The following CAPZB variants were observed in gnomAD, a reference collection of about 807,000 sequenced individuals.
CAPZB encodes capping actin protein of muscle Z-line subunit beta.
Under a neutral mutation model 38.1 loss-of-function variants are expected in CAPZB, and 2 were observed. That is an observed-to-expected ratio of 0.05 (90% confidence interval 0.02 to 0.17). CAPZB has a LOEUF of 0.17. Among genes scored for constraint, CAPZB ranks in the 10% least tolerant of loss-of-function variants. CAPZB has a pLI of 1.00. For synonymous variants in CAPZB, 107 were observed against 127.4 expected, an observed-to-expected ratio of 0.84 and a Z score of 1.08; for missense variants, 161 against 334.2, an observed-to-expected ratio of 0.48 and a Z score of 4.04.
chr1:19,419,836 G>A (rs1230703409), intron 1 of CAPZB, 86 bp from the exon 2 acceptor site: 2 of 847,418 alleles, frequency 2.4e-6, no homozygotes, highest in East Asian at 2.7e-5. Context: ...CTTGCCCAAG[G>A]CATTCTAAAA....
intron 2 of CAPZB, among the ~76,000 whole-genome samples, chr1:19,418,214 A>G (rs1325870443): frequency 6.6e-6 from 1 of 150,938 alleles, no homozygotes; most frequent in Non-Finnish European, 1.5e-5. Context: ...CCCCAAATAT[A>G]TGGCTCCTCT....
chr1:19,363,042 C>T lies in CAPZB; in HGVS notation c.330-5479G>A, dbSNP rs150537166. Among the ~76,000 whole-genome samples, 137 of 152,226 alleles carry T rather than the reference C, an allele frequency of 9.0e-4. 1 individual carries two copies. The highest frequency in any genetic ancestry group is 2.9e-3 in the African/African-American group (120 of 41,548). ...AACTGAGTGCCATCAGTTTTACCAA[C>T]GGTCCCGGCGCCTTTTAAGACTTTC... is the stretch of plus-strand genomic sequence containing the variant. On this transcript the variant is annotated intron_variant, in intron 4 of 8. Coordinates refer to ENST00000264202, the MANE Select transcript of CAPZB (RefSeq NM_004930.5).
intron 6 of CAPZB, among the ~76,000 whole-genome samples, chr1:19,355,922 A>G (rs2094018610): frequency 6.6e-6 from 1 of 152,188 alleles, no homozygotes; most frequent in Non-Finnish European, 1.5e-5. Flanking sequence ...GGGAGCATCT[A>G]AGGTAGAAGG....
Position 19,339,252 on chromosome 1 carries a change from A to C in CAPZB, c.*278T>G. 2.3e-6 allele frequency: 1 copy of C among 442,604 alleles called. No homozygotes were observed. The allele number at this position is 442,604 out of a possible 1,614,324, so 27.4% of individuals were successfully genotyped here. A position where few individuals can be genotyped will look rare whatever the true frequency, so the allele number is the denominator to read the frequency against. On this transcript the variant is annotated 3_prime_UTR_variant, in exon 9 of 9. Coordinates refer to ENST00000264202, the MANE Select transcript of CAPZB (RefSeq NM_004930.5). ...ATTTTATGCCTATAAATGGGGGGACAGGGAGGAAGACGGGGGGCCCGGGTG... is the reference window on the plus strand; with the variant it reads ...ATTTTATGCCTATAAATGGGGGGACCGGGAGGAAGACGGGGGGCCCGGGTG...
At chr1:19,461,075 T>C (rs1301422276) in intron 1 of CAPZB, among the ~76,000 whole-genome samples, 1 of 100,828 alleles carries the variant, frequency 9.9e-6, no homozygotes, top group Non-Finnish European at 2.2e-5. Flanking sequence ...CAGCTGTCTC[T>C]TATTCACCCC....
At chr1:19,450,997 G>A (rs1485008340) in intron 1 of CAPZB, among the ~76,000 whole-genome samples, 1 of 152,158 alleles carries the variant, frequency 6.6e-6, no homozygotes, top group Non-Finnish European at 1.5e-5. Flanking sequence ...CTGCATGCAA[G>A]GACTGCTCTC....
Position 19,484,709 on chromosome 1 carries a change from GAGA to G in CAPZB, c.3+724_3+726del. 2.8e-6 allele frequency: 3 copies of G among 1,087,182 alleles called. No homozygotes were observed. The South Asian group carries it at 7.2e-5, about 26-fold the overall frequency. 67.3% of individuals were successfully genotyped at this position (1,087,182 alleles called of 1,614,324 possible). ...ACCAGGCAGGGGGCAGGACCCTGAT[GAGA>G]GGCTCAGGGCGGGGACCGAGCGGGG... is the stretch of plus-strand genomic sequence containing the variant. On this transcript the variant is annotated intron_variant, in intron 1 of 8. Coordinates refer to ENST00000264202, the MANE Select transcript of CAPZB (RefSeq NM_004930.5).
intron 1 of CAPZB, among the ~76,000 whole-genome samples, chr1:19,423,367 C>T (rs967192761): frequency 2.6e-5 from 4 of 152,006 alleles, no homozygotes; most frequent in Admixed American, 2.6e-4. Context: ...GAGAATGAAG[C>T]AGATGTGGAT....
chr1:19,378,519 C>G, intron 4 of CAPZB, 21 bp downstream of exon 4: 1 of 1,367,876 alleles, frequency 7.3e-7, no homozygotes, highest in Non-Finnish European at 1.0e-6. Flanking sequence ...CGCTAAAGTG[C>G]AACAGGAGAA....
intron 1 of CAPZB, among the ~76,000 whole-genome samples, chr1:19,460,574 CT>C (rs35288971): frequency 0.031 from 2,834 of 90,870 alleles, 25 homozygotes; most frequent in African/African-American, 0.092. Context: ...TGTGCCCAGG[CT>C]TTTTTTTTTT....
chr1:19,404,503 C>A (rs2094320565), intron 2 of CAPZB, among the ~76,000 whole-genome samples: 1 of 146,996 alleles, frequency 6.8e-6, no homozygotes. Context: ...GAGATCACGC[C>A]ACTGTACTCC....
At chr1:19,406,032 A>G (rs2094330166) in intron 2 of CAPZB, among the ~76,000 whole-genome samples, 1 of 152,322 alleles carries the variant, frequency 6.6e-6, no homozygotes, top group Non-Finnish European at 1.5e-5. Flanking sequence ...TCTCTCAGGC[A>G]GGCTCTGTGC....
chr1:19,377,379 TGA>T (rs1421216490), intron 4 of CAPZB, among the ~76,000 whole-genome samples: 1 of 152,214 alleles, frequency 6.6e-6, no homozygotes, highest in Admixed American at 6.5e-5. Context: ...TGGTCTTGTG[TGA>T]GTCATTTAAC....
intron 2 of CAPZB, among the ~76,000 whole-genome samples, chr1:19,401,899 C>G (rs1258631956): frequency 6.6e-6 from 1 of 152,126 alleles, no homozygotes; most frequent in African/African-American, 2.4e-5. Flanking sequence ...GTGGTTTTCC[C>G]CAAACAGCTA....
chr1:19,413,496 A>G (rs1386600753), intron 2 of CAPZB, among the ~76,000 whole-genome samples: 3 of 152,148 alleles, frequency 2.0e-5, no homozygotes, highest in African/African-American at 4.8e-5. Flanking sequence ...ACCATGCCCA[A>G]AACATTTTTT....
At chr1:19,370,130 C>T (rs979961620) in intron 4 of CAPZB, among the ~76,000 whole-genome samples, 2 of 152,218 alleles carry the variant, frequency 1.3e-5, no homozygotes, top group South Asian at 2.1e-4. Context: ...GGCCTGTGCG[C>T]CTCTCCCCAC....
At chr1:19,426,981 AGAG>A (rs1422065230) in intron 1 of CAPZB, among the ~76,000 whole-genome samples, 2 of 152,146 alleles carry the variant, frequency 1.3e-5, no homozygotes, top group Non-Finnish European at 2.9e-5. Context: ...GGATGGCCAG[AGAG>A]GAGGAGAGCC....
chr1:19,338,890 C>G lies in CAPZB; in HGVS notation c.*640G>C, dbSNP rs1015299154. On this transcript the variant is annotated 3_prime_UTR_variant, in exon 9 of 9. Coordinates refer to ENST00000264202, the MANE Select transcript of CAPZB (RefSeq NM_004930.5). ...AGCTTTACAAAAAAACAAAATAAAA[C>G]AAAAACCTCCTTTTGCATTCCATAG... 7 of 152,400 alleles carry G rather than the reference C, an allele frequency of 4.6e-5. No homozygotes were observed. The highest frequency in any genetic ancestry group is 1.7e-4 in the African/African-American group (7 of 41,402). 9.4% of individuals were successfully genotyped at this position (152,400 alleles called of 1,614,324 possible).
At chr1:19,421,433 G>A (rs910185479) in intron 1 of CAPZB, among the ~76,000 whole-genome samples, 1 of 152,320 alleles carries the variant, frequency 6.6e-6, no homozygotes, top group East Asian at 1.9e-4. Context: ...TGCTCAAGAT[G>A]GCTATCAGTG....
Sources: allele counts gnomAD v4.1 joint callset (sites outside exome capture counted in the v4.1 genomes callset), GRCh38; gene constraint gnomAD v4.1.1; transcripts MANE v1.5; gene names NCBI Gene and HGNC (gene_info 2026-07-23, HGNC 2026-07-21).